The following DPY19L3 variants were observed in gnomAD, a reference collection of about 807,000 sequenced individuals.
The protein encoded by DPY19L3 is dpy-19 like C-mannosyltransferase 3, also known as protein C-mannosyl-transferase DPY19L3.
Under a neutral mutation model 92.3 loss-of-function variants are expected in DPY19L3, and 51 were observed. The ratio of observed to expected loss-of-function variants is 0.55; its 90% confidence interval spans 0.44 to 0.70. DPY19L3 has a LOEUF of 0.70. Among genes scored for constraint, DPY19L3 ranks in the 30% least tolerant of loss-of-function variants. The probability of loss-of-function intolerance (pLI) is 0.00; values close to 1 mark genes in which losing one functional copy is unlikely to be tolerated. For synonymous variants in DPY19L3, 309 were observed against 315.2 expected, an observed-to-expected ratio of 0.98 and a Z score of 0.21; for missense variants, 706 against 855.9, an observed-to-expected ratio of 0.82 and a Z score of 2.18.
intron 18 of DPY19L3, chr19:32,481,012 G>A (rs1970657675): frequency 2.7e-6 from 1 of 375,240 alleles, no homozygotes; most frequent in Non-Finnish European, 4.7e-6. Flanking sequence ...CCTACTGAGT[G>A]TCCTGTGTCC....
At chr19:32,420,276 G>T (rs552082563) in intron 3 of DPY19L3, among the ~76,000 whole-genome samples, 3 of 152,086 alleles carry the variant, frequency 2.0e-5, no homozygotes, top group Non-Finnish European at 4.4e-5. Context: ...GGGGTATGGG[G>T]TAGGCAGAGG....
chr19:32,443,859 C>T (rs1001823549), intron 8 of DPY19L3, among the ~76,000 whole-genome samples: 2 of 151,986 alleles, frequency 1.3e-5, no homozygotes, highest in Admixed American at 6.6e-5. Context: ...AGTTTGAGAT[C>T]AGCCCGGGCA....
Position 32,480,450 on chromosome 19 carries a change from A to G in DPY19L3, c.1882A>G (p.Arg628Gly). The G allele has an allele frequency of 6.2e-7, 1 of 1,614,186 alleles. No individual in the cohort carries two copies. The highest frequency in any genetic ancestry group is 8.5e-7 in the Non-Finnish European group (1 of 1,180,012). Residue 628 changes from arginine (R) to glycine (G), a missense_variant, in exon 18 of 19, where the codon AGG (arginine) becomes GGG (glycine). Arg to Gly is a moderately radical substitution (Grantham distance 125). Transcript: ENST00000392250. Reference sequence around the variant, plus strand: ...ACCAGAGGAAGTGCATGCCCTCCTAAGGTCCTTCGGCACTGACTACGTAAT... The same window carrying G: ...ACCAGAGGAAGTGCATGCCCTCCTAGGGTCCTTCGGCACTGACTACGTAAT... ...RAPEEVHALL[R>G]SFGTDYVILE...
intron 3 of DPY19L3, among the ~76,000 whole-genome samples, chr19:32,429,359 C>T (rs1451233262): frequency 6.6e-6 from 1 of 152,160 alleles, no homozygotes; most frequent in African/African-American, 2.4e-5. Context: ...GTATAAATTG[C>T]TGTAAAACTG....
chr19:32,442,333 G>C (rs184041785), intron 8 of DPY19L3, among the ~76,000 whole-genome samples: 1 of 152,084 alleles, frequency 6.6e-6, no homozygotes, highest in African/African-American at 2.4e-5. Flanking sequence ...CTTAATTAAA[G>C]GCTAAAATAT....
At chr19:32,480,332 A>G in intron 17 of DPY19L3, 67 bp from the exon 18 acceptor site, 1 of 1,538,234 alleles carries the variant, frequency 6.5e-7, no homozygotes, top group Non-Finnish European at 8.8e-7. Context: ...GGAAGGTTAC[A>G]TCACATAGTT....
At chr19:32,473,847 A>G (rs1473013815) in intron 16 of DPY19L3, among the ~76,000 whole-genome samples, 2 of 152,248 alleles carry the variant, frequency 1.3e-5, no homozygotes, top group African/African-American at 4.8e-5. Context: ...TCTGTCGCCC[A>G]GGCTGTAGTG....
rs1287988524 is a variant in DPY19L3, at chr19:32,432,182, GTTC to G, written c.238-529_238-527del. ...TGGCTAATAGCTATTTAAGTTTTCA[GTTC>G]TTCTAGGGTTGAATACTTATCTAAA... On this transcript the variant is annotated intron_variant, in intron 3 of 18. Transcript: ENST00000392250. Among the ~76,000 whole-genome samples, 26 of 152,070 alleles carry G rather than the reference GTTC, an allele frequency of 1.7e-4. 1 individual carries two copies. The highest frequency in any genetic ancestry group is 4.4e-5 in the Non-Finnish European group (3 of 68,004).
chr19:32,450,678 C>T (rs1969670632), intron 8 of DPY19L3, among the ~76,000 whole-genome samples: 1 of 152,114 alleles, frequency 6.6e-6, no homozygotes. Context: ...CTGTAGAGAA[C>T]AGTACATCAG....
At position 32,477,506 on chromosome 19, in the gene DPY19L3, C is replaced by G; in HGVS notation, c.1698-16C>G. On this transcript the variant is annotated splice_polypyrimidine_tract_variant and intron_variant, in intron 16 of 18. Coordinates refer to ENST00000392250, the MANE Select transcript of DPY19L3 (RefSeq NM_001172774.2). ...CTCTTAACAGTGGGGTTAATTCAGA[C>G]TCTAAAATCTTTCAGCTCTAACACT... 1 of 1,614,012 alleles carries G rather than the reference C, an allele frequency of 6.2e-7. No individual in the cohort carries two copies. The highest frequency in any genetic ancestry group is 8.5e-7 in the Non-Finnish European group (1 of 1,179,970).
intron 12 of DPY19L3, 122 bp from the exon 13 acceptor site, chr19:32,463,244 T>G: frequency 9.0e-7 from 1 of 1,105,184 alleles, no homozygotes; most frequent in South Asian, 1.4e-5. Flanking sequence ...TCATTTCATC[T>G]TATGGAAATA....
intron 8 of DPY19L3, among the ~76,000 whole-genome samples, chr19:32,447,331 A>G (rs368951017): frequency 6.6e-6 from 1 of 152,344 alleles, no homozygotes; most frequent in Admixed American, 6.5e-5. Flanking sequence ...CTCACCTTAA[A>G]AAAGGGAGCA....
Position 32,485,007 on chromosome 19 carries a change from C to CT in DPY19L3, c.*2768dup, listed in dbSNP as rs1245246532. On this transcript the variant is annotated 3_prime_UTR_variant, in exon 19 of 19. Transcript: ENST00000392250. The stretch of plus-strand genomic sequence containing the variant: ...AGTACTCATCCCACCTTTAAAACCT[C>CT]TAAACTGAGAAGAAGGGACCCAAAT... The CT allele has an allele frequency of 1.3e-5, 2 of 152,098 alleles. No homozygotes were observed. Among genetic ancestry groups the CT allele is most frequent in the South Asian group, 2.1e-4 (1 of 4,828 alleles). 9.4% of individuals were successfully genotyped at this position (152,098 alleles called of 1,614,324 possible).
At chr19:32,471,941 G>C (rs1389348110) in intron 16 of DPY19L3, among the ~76,000 whole-genome samples, 1 of 152,132 alleles carries the variant, frequency 6.6e-6, no homozygotes, top group Non-Finnish European at 1.5e-5. Context: ...TATTAATATA[G>C]TTCAGCAGAT....
chr19:32,441,655 A>C (rs927964219), intron 8 of DPY19L3, among the ~76,000 whole-genome samples: 11 of 151,752 alleles, frequency 7.2e-5, no homozygotes, highest in Non-Finnish European at 1.0e-4. Flanking sequence ...ATGCCACCAC[A>C]CCCGGCTAAT....
chr19:32,466,793 G>C (rs138606970), intron 15 of DPY19L3, among the ~76,000 whole-genome samples: 1 of 152,316 alleles, frequency 6.6e-6, no homozygotes, highest in African/African-American at 2.4e-5. Context: ...AATGCATTCA[G>C]CTTTCACTGT....
Position 32,468,731 on chromosome 19 carries a change from T to C in DPY19L3, c.1615T>C (p.Phe539Leu). 6.2e-7 allele frequency: 1 copy of C among 1,613,812 alleles called. No homozygotes were observed. The highest frequency in any genetic ancestry group is 8.5e-7 in the Non-Finnish European group (1 of 1,179,872). ...TGTTTTGTTTTGTTTTTAATTTCAG[T>C]TCTGGCCAGGAATGATGGATGAACT... The part of the protein sequence containing the change: ...ILILLYLCYK[F>L]WPGMMDELSE... Residue 539 changes from phenylalanine to leucine, a missense_variant and splice_region_variant, in exon 16 of 19, where the codon TTC (phenylalanine) becomes CTC (leucine). Physicochemically the swap from Phe to Leu is conservative, Grantham distance 22. Transcript: ENST00000392250.
At position 32,439,247 on chromosome 19, in the gene DPY19L3, T is replaced by C. The variant is rs903551837; in HGVS notation, c.720+12T>C. Reference sequence around the variant, plus strand: ...AGCCTCTTTCTGAAGTAAGTGTTTATAAAATTTCATATATTTTAATCCCCC... The same window carrying C: ...AGCCTCTTTCTGAAGTAAGTGTTTACAAAATTTCATATATTTTAATCCCCC... On this transcript the variant is annotated intron_variant, in intron 7 of 18. Coordinates refer to ENST00000392250, the MANE Select transcript of DPY19L3 (RefSeq NM_001172774.2). The C allele has an allele frequency of 3.1e-6, 5 of 1,597,206 alleles. No individual in the cohort carries two copies. In the Admixed American group the frequency reaches 5.2e-5, roughly 17 times the overall value.
chr19:32,440,806 T>C (rs915843836), intron 8 of DPY19L3, among the ~76,000 whole-genome samples: 3 of 152,136 alleles, frequency 2.0e-5, no homozygotes, highest in Non-Finnish European at 2.9e-5. Context: ...TAGCTGCTAA[T>C]TAGCAATACT....
Sources: gnomAD v4.1 joint callset for allele counts (sites outside exome capture counted in the v4.1 genomes callset) on GRCh38, gnomAD v4.1.1 for gene constraint, MANE v1.5 for transcripts, NCBI Gene and HGNC (gene_info 2026-07-23, HGNC 2026-07-21) for gene names.